The following EXT2 variants were observed in gnomAD, a reference collection of about 807,000 sequenced individuals.
The protein encoded by EXT2 is exostosin-2.
In EXT2, 53 loss-of-function variants were observed where a neutral mutation model predicts 81.6. That is an observed-to-expected ratio of 0.65 (90% confidence interval 0.52 to 0.82). The LOEUF (loss-of-function observed/expected upper bound fraction) is 0.82, where lower values mean the gene tolerates loss of function less well. EXT2 is among the 40% of genes least tolerant of loss of function. The pLI, the probability that EXT2 is intolerant of heterozygous loss-of-function variation, is 0.00. For missense variants in EXT2, 774 were observed against 910.2 expected (o/e 0.85, Z 1.93); for synonymous variants, 320 against 340.0 (o/e 0.94, Z 0.65).
chr11:44,206,177 A>G (rs992484081), intron 9 of EXT2, among the ~76,000 whole-genome samples: 9 of 152,242 alleles, frequency 5.9e-5, no homozygotes, highest in Non-Finnish European at 1.3e-4. Context: ...CACTCATTCA[A>G]TAAAACATAC....
chr11:44,117,233 T>C (rs1954235292), intron 4 of EXT2, among the ~76,000 whole-genome samples: 1 of 152,170 alleles, frequency 6.6e-6, no homozygotes, highest in African/African-American at 2.4e-5. Flanking sequence ...CCTCCCAAAG[T>C]GCTGGGATTA....
intron 4 of EXT2, among the ~76,000 whole-genome samples, chr11:44,120,136 T>G (rs1476335108): frequency 6.6e-6 from 1 of 152,208 alleles, no homozygotes; most frequent in East Asian, 1.9e-4. Context: ...TTTCAGAGAT[T>G]TAGATACATC....
Position 44,218,793 on chromosome 11 carries a change from C to CTTTTTTTTTTTTTTTTTTTTTTTTTTTT in EXT2, c.1662+11856_1662+11857insTTTTTTTTTTTTTTTTTTTTTTTTTTTT, listed in dbSNP as rs11368525. ...GTAAGAGATTATAGAATCTGCAATT[C>CTTTTTTTTTTTTTTTTTTTTTTTTTTTT]TTTTTTTTTTTTTTTTTTTTTTGAG... On this transcript the variant is annotated intron_variant, in intron 10 of 13. Coordinates refer to ENST00000533608, the MANE Select transcript of EXT2 (RefSeq NM_207122.2). Among the ~76,000 whole-genome samples, 8 of 92,300 alleles carry CTTTTTTTTTTTTTTTTTTTTTTTTTTTT rather than the reference C, an allele frequency of 8.7e-5. 1 individual carries two copies. The highest frequency in any genetic ancestry group is 9.6e-5 in the Non-Finnish European group (5 of 52,134). The allele number at this position is 92,300 out of a possible 152,430, so 60.6% of individuals were successfully genotyped here.
At chr11:44,117,929 T>C (rs1954246151) in intron 4 of EXT2, among the ~76,000 whole-genome samples, 2 of 152,186 alleles carry the variant, frequency 1.3e-5, no homozygotes, top group South Asian at 4.1e-4. Context: ...GCTTGGCTAA[T>C]TTTTTATAGA....
intron 6 of EXT2, among the ~76,000 whole-genome samples, chr11:44,127,168 T>C (rs1312447103): frequency 1.3e-5 from 2 of 152,222 alleles, no homozygotes; most frequent in African/African-American, 4.8e-5. Context: ...TCAAGTTTTA[T>C]TGAAACACAG....
chr11:44,214,366 A>G (rs1160700341), intron 10 of EXT2, among the ~76,000 whole-genome samples: 1 of 152,052 alleles, frequency 6.6e-6, no homozygotes, highest in Non-Finnish European at 1.5e-5. Context: ...CGCCCGCCTC[A>G]GCCTCCCAAA....
chr11:44,206,768 G>A (rs1441990129), intron 9 of EXT2, 25 bp from the exon 10 acceptor site: 2 of 1,613,638 alleles, frequency 1.2e-6, no homozygotes, highest in Admixed American at 1.7e-5. Flanking sequence ...TAGGAGAATA[G>A]TAAATACCTT....
intron 8 of EXT2, among the ~76,000 whole-genome samples, chr11:44,191,360 TG>T (rs1387006968): frequency 1.3e-5 from 2 of 152,220 alleles, no homozygotes; most frequent in Non-Finnish European, 2.9e-5. Flanking sequence ...CTCCTACCTT[TG>T]AGTGAACAGG....
chr11:44,119,504 T>G lies in EXT2; in HGVS notation c.743+5203T>G, dbSNP rs79862323. 6.6e-5 allele frequency among the ~76,000 whole-genome samples: 10 copies of G among 152,292 alleles called. No individual in the cohort carries two copies. In the East Asian group the frequency reaches 1.9e-3, roughly 29 times the overall value. On this transcript the variant is annotated intron_variant, in intron 4 of 13. Coordinates refer to ENST00000533608, the MANE Select transcript of EXT2 (RefSeq NM_207122.2). ...CAACCAAGGGAGCTCGTCAGAGACT[T>G]AGCACCCAGGACCTTTCTTAGGAGC...
At chr11:44,239,933 G>T (rs537604511) in intron 13 of EXT2, among the ~76,000 whole-genome samples, 13 of 152,150 alleles carry the variant, frequency 8.5e-5, no homozygotes, top group African/African-American at 2.9e-4. Flanking sequence ...AAATGGCCTA[G>T]GATTTGCATA....
At chr11:44,134,595 A>G (rs976420630) in intron 7 of EXT2, among the ~76,000 whole-genome samples, 1 of 152,184 alleles carries the variant, frequency 6.6e-6, no homozygotes, top group African/African-American at 2.4e-5. Context: ...CAAATGGAAC[A>G]TTCATATTCC....
At chr11:44,184,712 C>G (rs1189436305) in intron 8 of EXT2, among the ~76,000 whole-genome samples, 1 of 152,202 alleles carries the variant, frequency 6.6e-6, no homozygotes, top group Admixed American at 6.5e-5. Context: ...GATGGTGCCA[C>G]TGCACTCCAG....
chr11:44,112,250 A>G (rs1346751173), intron 3 of EXT2, among the ~76,000 whole-genome samples: 1 of 152,192 alleles, frequency 6.6e-6, no homozygotes, highest in East Asian at 1.9e-4. Flanking sequence ...GGCCGTGGAG[A>G]GGAAGGCTCA....
At chr11:44,233,430 C>G (rs7945827) in intron 11 of EXT2, among the ~76,000 whole-genome samples, 37,166 of 152,142 alleles carry the variant, frequency 0.24, 5,597 homozygotes, top group Admixed American at 0.41. Flanking sequence ...TACTTCCTCT[C>G]TTCTGGGAAT....
chr11:44,236,463 T>G, intron 13 of EXT2, 88 bp downstream of exon 13: 1 of 1,238,294 alleles, frequency 8.1e-7, no homozygotes, highest in Non-Finnish European at 1.2e-6. Flanking sequence ...GTTGGAGATA[T>G]AAGGACAGCA....
intron 7 of EXT2, among the ~76,000 whole-genome samples, chr11:44,131,137 G>A (rs1954486902): frequency 6.6e-6 from 1 of 152,202 alleles, no homozygotes; most frequent in Non-Finnish European, 1.5e-5. Flanking sequence ...TGATTTAGGA[G>A]GCAGCTCTCT....
intron 7 of EXT2, among the ~76,000 whole-genome samples, chr11:44,130,512 T>G (rs10838237): frequency 0.15 from 22,855 of 152,222 alleles, 2,287 homozygotes; most frequent in Non-Finnish European, 0.21. Flanking sequence ...ATACTATTGC[T>G]GCACAAACTA....
At chr11:44,216,034 G>A (rs1033707633) in intron 10 of EXT2, among the ~76,000 whole-genome samples, 2 of 151,898 alleles carry the variant, frequency 1.3e-5, no homozygotes, top group African/African-American at 4.8e-5. Context: ...CCGCCACCGC[G>A]CCCGGCTAAT....
chr11:44,168,679 G>A lies in EXT2; in HGVS notation c.1174-2932G>A, dbSNP rs1955028612. Among the ~76,000 whole-genome samples the A allele has an allele frequency of 1.3e-5, 2 of 152,220 alleles. 1 individual carries two copies. Among genetic ancestry groups the A allele is most frequent in the South Asian group, 4.1e-4 (2 of 4,836 alleles). On this transcript the variant is annotated intron_variant, in intron 7 of 13. Coordinates refer to ENST00000533608, the MANE Select transcript of EXT2 (RefSeq NM_207122.2). Reference sequence around the variant, plus strand: ...AAAAATTGGATGAAGCCAGAACACAGTAGAAGTATATCTTGAATGTTCTGA... The same window carrying A: ...AAAAATTGGATGAAGCCAGAACACAATAGAAGTATATCTTGAATGTTCTGA...
Sources: allele counts gnomAD v4.1 joint callset (sites outside exome capture counted in the v4.1 genomes callset), GRCh38; gene constraint gnomAD v4.1.1; transcripts MANE v1.5; gene names NCBI Gene and HGNC (gene_info 2026-07-23, HGNC 2026-07-21).